RC3H1: variants seen among roughly 807,000 people sequenced by gnomAD.
RC3H1 encodes the protein roquin-1.
In RC3H1, 50 loss-of-function variants were observed where a neutral mutation model predicts 138.2. That is an observed-to-expected ratio of 0.36 (90% CI 0.29 to 0.46). The LOEUF (loss-of-function observed/expected upper bound fraction) is 0.46. Among genes scored for constraint, RC3H1 ranks in the 20% least tolerant of loss-of-function variants. The pLI is 1.00. For synonymous variants in RC3H1, 462 were observed against 489.1 expected (o/e 0.94, Z 0.73); for missense variants, 1,031 against 1,388.1 (o/e 0.74, Z 4.09).
chr1:174,015,503 T>A (rs553439280), intron 1 of RC3H1, among the ~76,000 whole-genome samples: 35 of 152,102 alleles, frequency 2.3e-4, no homozygotes, highest in Non-Finnish European at 4.6e-4. Flanking sequence ...TTGCTGGGAT[T>A]ACAGGTGCCT....
intron 2 of RC3H1, among the ~76,000 whole-genome samples, chr1:173,990,578 A>ATT (rs368844804): frequency 2.2e-4 from 31 of 144,166 alleles, no homozygotes; most frequent in African/African-American, 3.8e-4. Context: ...ATTATTATTT[A>ATT]TTTTTTTTTT....
At chr1:174,014,076 G>A (rs1244094759) in intron 1 of RC3H1, among the ~76,000 whole-genome samples, 1 of 152,184 alleles carries the variant, frequency 6.6e-6, no homozygotes, top group African/African-American at 2.4e-5. Flanking sequence ...GCAGAGATGA[G>A]TAAGTGGAAC....
At position 173,961,995 on chromosome 1, in the gene RC3H1, G is replaced by C. The variant is rs1319018175; in HGVS notation, c.1932C>G (p.Pro644=). ...AGTTTACAACACGTTCTTGGAGGTAGGGTGGATAATGATCCAAGTAGGGAG... is the reference window on the plus strand; with the variant it reads ...AGTTTACAACACGTTCTTGGAGGTACGGTGGATAATGATCCAAGTAGGGAG... The part of the protein sequence containing the change: ...PAPPYLDHYP[P]YLQERVVNSQ... Residue 644 remains proline (P), a synonymous_variant, in exon 12 of 20, where the codon CCC becomes CCG. Transcript: ENST00000367696. 1.2e-6 allele frequency: 2 copies of C among 1,614,134 alleles called. No individual in the cohort carries two copies. Among genetic ancestry groups the C allele is most frequent in the Non-Finnish European group, 1.7e-6 (2 of 1,180,006 alleles).
intron 1 of RC3H1, among the ~76,000 whole-genome samples, chr1:174,005,722 A>C (rs931483281): frequency 6.6e-6 from 1 of 152,180 alleles, no homozygotes; most frequent in Non-Finnish European, 1.5e-5. Flanking sequence ...TGACTTAAAA[A>C]TATTTACCAT....
At chr1:173,989,426 T>C (rs1661168536) in intron 2 of RC3H1, among the ~76,000 whole-genome samples, 1 of 152,208 alleles carries the variant, frequency 6.6e-6, no homozygotes. Context: ...TGGTCTCAAA[T>C]GATCCATCCA....
intron 1 of RC3H1, among the ~76,000 whole-genome samples, chr1:173,997,207 G>A (rs1009147755): frequency 1.3e-5 from 2 of 152,012 alleles, no homozygotes; most frequent in Admixed American, 6.6e-5. Flanking sequence ...CCTGGGCAAC[G>A]GAGCGAGACC....
intron 2 of RC3H1, among the ~76,000 whole-genome samples, chr1:173,991,968 C>T (rs1362622103): frequency 5.9e-5 from 9 of 151,882 alleles, no homozygotes; most frequent in African/African-American, 1.9e-4. Context: ...TAAGTGTGTT[C>T]TAATGGTTCC....
At chr1:174,004,178 C>G (rs371787589) in intron 1 of RC3H1, among the ~76,000 whole-genome samples, 4 of 151,316 alleles carry the variant, frequency 2.6e-5, no homozygotes, top group Non-Finnish European at 5.9e-5. Context: ...AATCACTGCT[C>G]ACTACAGCCT....
chr1:173,945,125 CTT>C (rs71718815), intron 17 of RC3H1, among the ~76,000 whole-genome samples: 73 of 137,942 alleles, frequency 5.3e-4, no homozygotes, highest in African/African-American at 6.5e-4. Context: ...TTAAAAATTC[CTT>C]TTTTTTTTTT....
chr1:173,945,703 G>A (rs955833245), intron 17 of RC3H1, among the ~76,000 whole-genome samples: 1 of 150,796 alleles, frequency 6.6e-6, no homozygotes, highest in African/African-American at 2.4e-5. Flanking sequence ...TACTTTTTAA[G>A]TCAAAGTTCT....
rs1557911804 is a variant in RC3H1, at chr1:173,934,491, T to A, written c.*4230A>T. On this transcript the variant is annotated 3_prime_UTR_variant, in exon 20 of 20. Coordinates refer to ENST00000367696, the MANE Select transcript of RC3H1 (RefSeq NM_172071.4). ...AGATAAATCTACTTACACAGTACAA[T>A]CAACTCACAAATACTAAAAGGTTTC... The A allele has an allele frequency of 1.3e-5, 2 of 152,172 alleles. No individual in the cohort carries two copies. 9.4% of individuals were successfully genotyped at this position (152,172 alleles called of 1,614,324 possible).
At chr1:173,984,064 C>CA (rs1660926161) in intron 3 of RC3H1, among the ~76,000 whole-genome samples, 1 of 152,176 alleles carries the variant, frequency 6.6e-6, no homozygotes, top group Admixed American at 6.5e-5. Flanking sequence ...GCAGTAATGG[C>CA]AACTTCCGTA....
intron 9 of RC3H1, among the ~76,000 whole-genome samples, chr1:173,965,764 C>T (rs1170768927): frequency 6.6e-6 from 1 of 152,066 alleles, no homozygotes; most frequent in Non-Finnish European, 1.5e-5. Flanking sequence ...CCTTGGGATA[C>T]AATGAGCCAA....
intron 8 of RC3H1, 131 bp downstream of exon 8, chr1:173,972,378 A>G (rs1660395725): frequency 1.6e-6 from 1 of 642,794 alleles, no homozygotes; most frequent in African/African-American, 1.8e-5. Flanking sequence ...TACAGTTTCT[A>G]TACTCAGAGT....
At chr1:173,954,511 T>C (rs920336845) in intron 13 of RC3H1, among the ~76,000 whole-genome samples, 3 of 152,210 alleles carry the variant, frequency 2.0e-5, no homozygotes, top group Admixed American at 6.5e-5. Context: ...TCTATAGCAC[T>C]GCAGGGTGAG....
intron 14 of RC3H1, among the ~76,000 whole-genome samples, chr1:173,948,347 A>G (rs766181348): frequency 9.2e-5 from 14 of 152,190 alleles, no homozygotes; most frequent in African/African-American, 2.4e-4. Flanking sequence ...GCATCTTTCT[A>G]TTTCACAGAT....
intron 1 of RC3H1, among the ~76,000 whole-genome samples, chr1:174,017,863 G>A (rs1028207800): frequency 2.2e-5 from 3 of 138,528 alleles, no homozygotes; most frequent in East Asian, 2.2e-4. Context: ...TAGATAAAAT[G>A]CACTTATAAG....
At chr1:174,001,121 G>T (rs7523504) in intron 1 of RC3H1, among the ~76,000 whole-genome samples, 2 of 151,992 alleles carry the variant, frequency 1.3e-5, no homozygotes, top group African/African-American at 4.8e-5. Flanking sequence ...AAAGAAAGGT[G>T]GAGGAAAGTT....
At chr1:174,020,797 T>C (rs1661942727) in intron 1 of RC3H1, among the ~76,000 whole-genome samples, 1 of 152,072 alleles carries the variant, frequency 6.6e-6, no homozygotes, top group Non-Finnish European at 1.5e-5. Flanking sequence ...TGACTTGAGG[T>C]CAGGAGTTCC....
Sources: allele counts gnomAD v4.1 joint callset (sites outside exome capture counted in the v4.1 genomes callset), GRCh38; gene constraint gnomAD v4.1.1; transcripts MANE v1.5; gene names NCBI Gene and HGNC (gene_info 2026-07-23, HGNC 2026-07-21).